The following PLCL1 variants were observed in gnomAD, a reference collection of about 807,000 sequenced individuals.
The protein encoded by PLCL1 is inactive phospholipase C-like protein 1.
A neutral mutation model predicts 84.4 loss-of-function variants in PLCL1; 41 were observed. The ratio of observed to expected loss-of-function variants is 0.49; its 90% confidence interval spans 0.38 to 0.63. The LOEUF (loss-of-function observed/expected upper bound fraction) is 0.63. Ranked by LOEUF, PLCL1 falls within the 30% of genes least tolerant of loss-of-function variation. The pLI, the probability that PLCL1 is intolerant of heterozygous loss-of-function variation, is 0.00. For missense variants in PLCL1, 1,206 were observed against 1,367.8 expected (o/e 0.88, Z 1.87); for synonymous variants, 490 against 488.3 (o/e 1.00, Z -0.05).
intron 1 of PLCL1, among the ~76,000 whole-genome samples, chr2:198,048,628 G>A (rs1032023175): frequency 6.6e-6 from 1 of 152,086 alleles, no homozygotes; most frequent in Non-Finnish European, 1.5e-5. Flanking sequence ...AGAGTGGGGA[G>A]GTCCCAGACT....
chr2:198,051,428 G>A (rs1315756870), intron 1 of PLCL1, among the ~76,000 whole-genome samples: 2 of 151,998 alleles, frequency 1.3e-5, no homozygotes, highest in East Asian at 1.9e-4. Flanking sequence ...ATTTATAGAT[G>A]TCACTACTTT....
intron 1 of PLCL1, among the ~76,000 whole-genome samples, chr2:197,968,447 GATA>G (rs1559059505): frequency 1.3e-5 from 2 of 152,128 alleles, no homozygotes; most frequent in African/African-American, 4.8e-5. Context: ...CTTATAAAAT[GATA>G]ATAACAAAAG....
chr2:197,876,651 G>A (rs1574926513), intron 1 of PLCL1, among the ~76,000 whole-genome samples: 1 of 152,070 alleles, frequency 6.6e-6, no homozygotes, highest in Admixed American at 6.6e-5. Flanking sequence ...GTTTTTGGAG[G>A]GGGCTATTTT....
chr2:198,015,492 A>C (rs182375124), intron 1 of PLCL1, among the ~76,000 whole-genome samples: 1 of 152,316 alleles, frequency 6.6e-6, no homozygotes, highest in East Asian at 1.9e-4. Context: ...CTTGTTGGTT[A>C]TGGTGAGTAA....
chr2:198,006,693 T>G (rs1440088), intron 1 of PLCL1, among the ~76,000 whole-genome samples: 31,246 of 152,114 alleles, frequency 0.21, 3,234 homozygotes, highest in East Asian at 0.26. Context: ...TAGCCAAGAT[T>G]CTGTCTTTGT....
At chr2:198,008,565 C>A (rs1362931685) in intron 1 of PLCL1, among the ~76,000 whole-genome samples, 18 of 151,330 alleles carry the variant, frequency 1.2e-4, no homozygotes, top group Admixed American at 1.2e-3. Context: ...TGCATAATAT[C>A]CCATTGTATA....
intron 1 of PLCL1, among the ~76,000 whole-genome samples, chr2:197,972,274 A>G (rs1479202495): frequency 3.3e-5 from 5 of 152,228 alleles, no homozygotes; most frequent in African/African-American, 9.6e-5. Context: ...ATGTCTGGAA[A>G]ACTTGGAACT....
At chr2:197,936,954 T>C (rs1296251014) in intron 1 of PLCL1, among the ~76,000 whole-genome samples, 1 of 152,218 alleles carries the variant, frequency 6.6e-6, no homozygotes, top group Non-Finnish European at 1.5e-5. Context: ...GAGTTGCTTT[T>C]TGAATTTGGT....
chr2:198,006,446 A>G (rs570294090), intron 1 of PLCL1, among the ~76,000 whole-genome samples: 1 of 152,178 alleles, frequency 6.6e-6, no homozygotes, highest in African/African-American at 2.4e-5. Context: ...GAGTATATAT[A>G]TATGTCCCAA....
chr2:198,098,252 C>T (rs1693249580), intron 3 of PLCL1, among the ~76,000 whole-genome samples: 1 of 152,132 alleles, frequency 6.6e-6, no homozygotes, highest in African/African-American at 2.4e-5. Flanking sequence ...ATAGCTTCTC[C>T]AAAGTTCCTA....
intron 5 of PLCL1, among the ~76,000 whole-genome samples, chr2:198,145,035 T>C (rs182382985): frequency 3.3e-5 from 5 of 152,246 alleles, no homozygotes; most frequent in African/African-American, 9.6e-5. Context: ...AAAGTACCCA[T>C]CTCATAGGGA....
chr2:197,999,635 T>C (rs908981917), intron 1 of PLCL1, among the ~76,000 whole-genome samples: 4 of 152,216 alleles, frequency 2.6e-5, no homozygotes, highest in Non-Finnish European at 5.9e-5. Context: ...ATTAGATGTA[T>C]AGGGCGTTGC....
chr2:198,028,440 C>A (rs78272637), intron 1 of PLCL1, among the ~76,000 whole-genome samples: 2,846 of 152,132 alleles, frequency 0.019, 90 homozygotes, highest in African/African-American at 0.065. Context: ...GATGGTGATG[C>A]CTTTGCTCAG....
At chr2:197,891,568 C>T (rs890314604) in intron 1 of PLCL1, among the ~76,000 whole-genome samples, 6 of 146,244 alleles carry the variant, frequency 4.1e-5, no homozygotes, top group Admixed American at 3.4e-4. Flanking sequence ...ATACTGAGGG[C>T]TTTAGATTTT....
chr2:197,871,259 A>G (rs1188562578), intron 1 of PLCL1, among the ~76,000 whole-genome samples: 1 of 152,034 alleles, frequency 6.6e-6, no homozygotes, highest in Non-Finnish European at 1.5e-5. Context: ...CAGATCCTGT[A>G]CTGTTTGGAG....
At chr2:197,962,316 C>T (rs965292394) in intron 1 of PLCL1, among the ~76,000 whole-genome samples, 2 of 152,070 alleles carry the variant, frequency 1.3e-5, no homozygotes, top group Non-Finnish European at 2.9e-5. Flanking sequence ...ATCTGTGTGA[C>T]CACTTGATTA....
In PLCL1 at chr2:197,863,163, GT is replaced by G. The variant is rs71012994; in HGVS notation, c.240+57838del. ...GCACTCTCTGGTCTTTTCTTAAAGC[GT>G]TTTTTTTTTTTTTAATGATTATGTG... On this transcript the variant is annotated intron_variant, in intron 1 of 5. Coordinates refer to ENST00000428675, the MANE Select transcript of PLCL1 (RefSeq NM_006226.4). 4.0e-3 allele frequency among the ~76,000 whole-genome samples: 533 copies of G among 134,612 alleles called. 2 individuals are homozygous for G. Among genetic ancestry groups the G allele is most frequent in the East Asian group, 0.013 (58 of 4,546 alleles). The allele number at this position is 134,612 out of a possible 152,430, so 88.3% of individuals were successfully genotyped here. A position where few individuals can be genotyped will look rare whatever the true frequency, so the allele number is the denominator to read the frequency against.
chr2:197,955,874 A>G (rs564371052), intron 1 of PLCL1, among the ~76,000 whole-genome samples: 1 of 151,872 alleles, frequency 6.6e-6, no homozygotes, highest in Non-Finnish European at 1.5e-5. Context: ...ACATAGGTAT[A>G]CATGTGCCAT....
At chr2:197,838,282 G>A (rs2105665368) in intron 1 of PLCL1, among the ~76,000 whole-genome samples, 1 of 152,316 alleles carries the variant, frequency 6.6e-6, no homozygotes, top group South Asian at 2.1e-4. Context: ...TCCTCACTTA[G>A]ATGGGAGGGC....
Sources: allele counts gnomAD v4.1 joint callset (sites outside exome capture counted in the v4.1 genomes callset), GRCh38; gene constraint gnomAD v4.1.1; transcripts MANE v1.5; gene names NCBI Gene and HGNC (gene_info 2026-07-23, HGNC 2026-07-21).